Variants in KLHL8 observed in about 807,000 individuals in gnomAD.
KLHL8 encodes kelch-like protein 8.
A neutral mutation model predicts 63.5 loss-of-function variants in KLHL8; 38 were observed. The ratio of observed to expected loss-of-function variants is 0.60; its 90% CI spans 0.46 to 0.78. KLHL8 has a LOEUF of 0.78. Ranked by LOEUF, KLHL8 falls within the 30% of genes least tolerant of loss-of-function variation. The pLI, the probability that KLHL8 is intolerant of heterozygous loss-of-function variation, is 0.00. For synonymous variants in KLHL8, 224 were observed against 254.3 expected, an observed-to-expected ratio of 0.88 and a Z score of 1.13; for missense variants, 566 against 752.4, an observed-to-expected ratio of 0.75 and a Z score of 2.90.
chr4:87,170,286 A>G (rs1448258940), intron 7 of KLHL8, 48 bp from the exon 8 acceptor site: 2 of 1,557,450 alleles, frequency 1.3e-6, no homozygotes, highest in East Asian at 4.5e-5. Context: ...GAATTTATTT[A>G]TATATTGTTT....
intron 1 of KLHL8, among the ~76,000 whole-genome samples, chr4:87,233,942 GACATTACATAA>G (rs1733181182): frequency 6.6e-6 from 1 of 151,988 alleles, no homozygotes; most frequent in African/African-American, 2.4e-5. Context: ...TCATTGTTTA[GACATTACATAA>G]ACTACCAAAA....
chr4:87,220,023 C>A (rs1192774027), intron 1 of KLHL8: 2 of 152,374 alleles, frequency 1.3e-5, no homozygotes, highest in Non-Finnish European at 1.5e-5. Flanking sequence ...CTTCCTGGAC[C>A]CCGCGAAGCA....
intron 1 of KLHL8, chr4:87,208,075 A>G (rs1484007669): frequency 3.0e-5 from 17 of 575,736 alleles, no homozygotes; most frequent in Middle Eastern, 5.2e-4. Context: ...CATGGCCCAC[A>G]TGGCCTCCAA....
At chr4:87,228,292 G>A (rs1473524845) in intron 1 of KLHL8, among the ~76,000 whole-genome samples, 1 of 152,090 alleles carries the variant, frequency 6.6e-6, no homozygotes, top group African/African-American at 2.4e-5. Context: ...ACCTATGGGG[G>A]CCATGGGAAC....
intron 1 of KLHL8, among the ~76,000 whole-genome samples, chr4:87,206,212 A>T (rs994176757): frequency 2.6e-5 from 4 of 152,268 alleles, no homozygotes; most frequent in African/African-American, 9.6e-5. Context: ...TCCAGTTCAG[A>T]TCCACATACT....
intron 1 of KLHL8, among the ~76,000 whole-genome samples, chr4:87,200,278 A>G (rs1325222222): frequency 6.6e-6 from 1 of 151,996 alleles, no homozygotes; most frequent in African/African-American, 2.4e-5. Context: ...ATCCCTGCAG[A>G]TACCAAAATC....
chr4:87,206,003 A>T (rs993711656), intron 1 of KLHL8, among the ~76,000 whole-genome samples: 1 of 152,150 alleles, frequency 6.6e-6, no homozygotes, highest in Admixed American at 6.5e-5. Flanking sequence ...CTCCCTCACT[A>T]TACTTTTAGA....
intron 1 of KLHL8, among the ~76,000 whole-genome samples, chr4:87,227,624 G>A (rs1396090846): frequency 3.3e-5 from 5 of 152,146 alleles, no homozygotes; most frequent in Non-Finnish European, 7.3e-5. Flanking sequence ...AGTCCAGCTG[G>A]AGCAACAAAT....
chr4:87,185,698 C>T lies in KLHL8; in HGVS notation c.318G>A (p.Thr106=), dbSNP rs1050664213. Residue 106 remains threonine (T), a synonymous_variant, in exon 3 of 10, where the codon ACG becomes ACA. Transcript: ENST00000273963. ...FLSEMAEAKQ[T]LIEIRDFDGD... ...CATCAAAATCTCTAATCTCAATCAG[C>T]GTTTGCTTGGCTTCAGCCATTTCAG... The T allele has an allele frequency of 1.9e-6, 3 of 1,613,992 alleles. No homozygotes were observed. The highest frequency in any genetic ancestry group is 2.7e-5 in the African/African-American group (2 of 74,910).
intron 1 of KLHL8, among the ~76,000 whole-genome samples, chr4:87,218,512 C>T (rs916363049): frequency 1.3e-5 from 2 of 152,090 alleles, no homozygotes; most frequent in African/African-American, 4.8e-5. Context: ...CCACCGCGCC[C>T]GGCCCTAACT....
At chr4:87,230,532 C>A (rs1733118081) in intron 1 of KLHL8, among the ~76,000 whole-genome samples, 1 of 152,190 alleles carries the variant, frequency 6.6e-6, no homozygotes, top group African/African-American at 2.4e-5. Context: ...GTCAAGAATT[C>A]CACGTATGAC....
Position 87,230,568 on chromosome 4 carries a change from T to C in KLHL8, n.58-9178A>G, listed in dbSNP as rs1733118450. ...CTACTTTTAAACATAGAAATGCCTC[T>C]CTCCTCAGTTAGCATTTTTATCTGT... is the stretch of plus-strand genomic sequence containing the variant. On this transcript the variant is annotated intron_variant and non_coding_transcript_variant, in intron 1 of 1. Coordinates refer to the KLHL8 transcript ENST00000506274. Among the ~76,000 whole-genome samples, 3 of 152,212 alleles carry C rather than the reference T, an allele frequency of 2.0e-5. No homozygotes were observed. The South Asian group carries it at 6.2e-4, about 31-fold the overall frequency.
intron 1 of KLHL8, chr4:87,207,587 T>A (rs1158825229): frequency 1.7e-6 from 2 of 1,199,050 alleles, no homozygotes; most frequent in Non-Finnish European, 2.5e-6. Flanking sequence ...CATGACAACT[T>A]TGGTATCGTG....
intron 1 of KLHL8, among the ~76,000 whole-genome samples, chr4:87,200,157 A>AG (rs1382660843): frequency 2.7e-5 from 4 of 150,646 alleles, no homozygotes; most frequent in Non-Finnish European, 5.9e-5. Flanking sequence ...AAAAAAAAAA[A>AG]AAAGAAAAAA....
rs1054950761 is a variant in KLHL8 at position 87,181,224 on chromosome 4, C to T, written c.952+1979G>A. On this transcript the variant is annotated intron_variant, in intron 4 of 9. Transcript: ENST00000273963. ...GGTGGATTACTTGAGGTCAGGAGTT[C>T]GAGACCAGCCTAGCCAACATGGTGA... 6.7e-5 allele frequency among the ~76,000 whole-genome samples: 10 copies of T among 149,286 alleles called. No individual in the cohort carries two copies. In the South Asian group the frequency reaches 1.7e-3, roughly 25 times the overall value.
At chr4:87,167,229 A>G (rs528597015) in intron 8 of KLHL8, 83 of 516,038 alleles carry the variant, frequency 1.6e-4, no homozygotes, top group African/African-American at 9.9e-4. Flanking sequence ...GATGTGTGAC[A>G]TAAGAGATGT....
At chr4:87,179,924 T>C (rs1424935588) in intron 4 of KLHL8, among the ~76,000 whole-genome samples, 1 of 152,164 alleles carries the variant, frequency 6.6e-6, no homozygotes, top group Non-Finnish European at 1.5e-5. Context: ...CCAGAGTTTC[T>C]GATTCAGTAG....
intron 1 of KLHL8, among the ~76,000 whole-genome samples, chr4:87,213,957 C>G (rs1331037486): frequency 6.6e-6 from 1 of 152,102 alleles, no homozygotes; most frequent in African/African-American, 2.4e-5. Flanking sequence ...TGAGCCTCAG[C>G]TCTAAGGTTG....
upstream of KLHL8, among the ~76,000 whole-genome samples, chr4:87,225,582 T>C (rs943172150): frequency 6.6e-6 from 1 of 152,176 alleles, no homozygotes; most frequent in Admixed American, 6.5e-5. Flanking sequence ...AAAATATCTA[T>C]ATAAGACAGA....
Sources: allele counts gnomAD v4.1 joint callset (sites outside exome capture counted in the v4.1 genomes callset), GRCh38; gene constraint gnomAD v4.1.1; transcripts MANE v1.5; gene names NCBI Gene and HGNC (gene_info 2026-07-23, HGNC 2026-07-21).